MAPRE2: variants seen among roughly 807,000 people sequenced by gnomAD.
MAPRE2 encodes microtubule-associated protein RP/EB family member 2.
MAPRE2 carries 13 observed loss-of-function variants against 43.2 expected under a neutral mutation model. The ratio of observed to expected loss-of-function variants is 0.30; its 90% CI spans 0.20 to 0.48. The LOEUF is 0.48. MAPRE2 is among the 20% of genes least tolerant of loss of function. The probability of loss-of-function intolerance (pLI) is 0.99; values close to 1 mark genes in which losing one functional copy is unlikely to be tolerated. For synonymous variants in MAPRE2, 135 were observed against 148.8 expected, an observed-to-expected ratio of 0.91 and a Z score of 0.68; for missense variants, 161 against 400.2, an observed-to-expected ratio of 0.40 and a Z score of 5.10.
intron 4 of MAPRE2, among the ~76,000 whole-genome samples, chr18:35,115,710 T>C (rs907505156): frequency 1.1e-4 from 16 of 152,336 alleles, no homozygotes; most frequent in African/African-American, 3.4e-4. Context: ...TTCATTCCTT[T>C]TTATGGCTGA....
intron 6 of MAPRE2, among the ~76,000 whole-genome samples, chr18:35,136,960 G>T (rs1362826824): frequency 6.6e-6 from 1 of 152,188 alleles, no homozygotes; most frequent in East Asian, 1.9e-4. Flanking sequence ...CTCATATTTG[G>T]TATAGGTTTT....
At chr18:35,140,040 A>G (rs968784430) in intron 6 of MAPRE2, among the ~76,000 whole-genome samples, 5 of 152,330 alleles carry the variant, frequency 3.3e-5, no homozygotes, top group African/African-American at 1.2e-4. Context: ...AAAACAAAAT[A>G]GTTGGGTGCC....
At chr18:35,057,387 G>A (rs1425537748) in intron 1 of MAPRE2, among the ~76,000 whole-genome samples, 2 of 152,126 alleles carry the variant, frequency 1.3e-5, no homozygotes, top group Non-Finnish European at 2.9e-5. Context: ...CTCAGTTTCT[G>A]TACTTCCCTT....
chr18:35,018,848 A>G (rs1370390057), intron 2 of MAPRE2, among the ~76,000 whole-genome samples: 2 of 151,528 alleles, frequency 1.3e-5, no homozygotes, highest in East Asian at 1.9e-4. Flanking sequence ...TAATTTATTT[A>G]TATTCTCCTG....
At chr18:35,054,347 TC>T (rs1404270338) in intron 1 of MAPRE2, among the ~76,000 whole-genome samples, 5 of 152,204 alleles carry the variant, frequency 3.3e-5, no homozygotes, top group Non-Finnish European at 7.3e-5. Flanking sequence ...TGTTTCAAAA[TC>T]CAAAAATGCA....
In MAPRE2 at chr18:35,055,901, G is replaced by T. The variant is rs546861656; in HGVS notation, c.122+14240G>T. On this transcript the variant is annotated intron_variant, in intron 1 of 6. Coordinates refer to ENST00000300249, the MANE Select transcript of MAPRE2 (RefSeq NM_014268.4). ...ATCCAGGAGGCAGAAGTTGCAGTGA[G>T]CCGAGATCATGCAACTGCACTGCAG... Among the ~76,000 whole-genome samples the T allele has an allele frequency of 2.4e-4, 37 of 151,078 alleles. No homozygotes were observed. The East Asian group carries it at 6.6e-3, about 27-fold the overall frequency.
upstream of MAPRE2, chr18:35,041,409 C>G: frequency 1.3e-6 from 2 of 1,538,936 alleles, no homozygotes; most frequent in Non-Finnish European, 1.7e-6. Flanking sequence ...CGAGCGAGAG[C>G]TGGGAGAAGG....
intron 1 of MAPRE2, among the ~76,000 whole-genome samples, chr18:34,990,665 TG>T (rs1443092731): frequency 2.0e-5 from 3 of 152,170 alleles, no homozygotes; most frequent in Non-Finnish European, 4.4e-5. Flanking sequence ...TTTAGATGTT[TG>T]TTTTAAAATT....
In MAPRE2 at chr18:35,103,930, A is replaced by G. The variant is rs921588878; in HGVS notation, c.610+1771A>G. ...AAAAAGTTGGAGAAAGGAAATTGAG[A>G]CAGTGGAAAGATCCAACTTTGGAGC... On this transcript the variant is annotated intron_variant, in intron 4 of 6. Transcript: ENST00000300249. Among the ~76,000 whole-genome samples, 16 of 152,296 alleles carry G rather than the reference A, an allele frequency of 1.1e-4. 1 individual carries two copies. The highest frequency in any genetic ancestry group is 3.4e-3 in the Middle Eastern group (1 of 294).
intron 2 of MAPRE2, among the ~76,000 whole-genome samples, chr18:35,033,275 C>T (rs62095432): frequency 0.29 from 44,314 of 152,052 alleles, 7,827 homozygotes; most frequent in Non-Finnish European, 0.41. Context: ...ATGATTATCT[C>T]AACAGATGCA....
chr18:35,026,153 G>T (rs1457282882), intron 2 of MAPRE2, among the ~76,000 whole-genome samples: 1 of 152,142 alleles, frequency 6.6e-6, no homozygotes, highest in Non-Finnish European at 1.5e-5. Context: ...CTGAAGCAGG[G>T]TGTGAGCAGC....
chr18:35,031,148 G>A (rs970747484), intron 2 of MAPRE2, among the ~76,000 whole-genome samples: 15 of 152,136 alleles, frequency 9.9e-5, no homozygotes, highest in Non-Finnish European at 1.8e-4. Flanking sequence ...TATATTGTCT[G>A]TCTCCTGACC....
At chr18:35,102,242 A>C (rs559901173) in intron 4 of MAPRE2, 83 bp downstream of exon 4, 700 of 1,023,390 alleles carry the variant, frequency 6.8e-4, no homozygotes, top group Non-Finnish European at 9.3e-4. Flanking sequence ...TGTGTTTCTG[A>C]CTGATTCTTC....
At chr18:35,039,496 C>T (rs912802857), upstream of MAPRE2, among the ~76,000 whole-genome samples, 1 of 151,932 alleles carries the variant, frequency 6.6e-6, no homozygotes. Context: ...GAGATGTGGA[C>T]GAAGGAATCA....
In MAPRE2 at chr18:35,101,943, C is replaced by T; in HGVS notation, c.397-3C>T. 1.3e-6 allele frequency: 2 copies of T among 1,584,320 alleles called. No homozygotes were observed. The highest frequency in any genetic ancestry group is 2.3e-5 in the South Asian group (2 of 86,370). On this transcript the variant is annotated splice_polypyrimidine_tract_variant and splice_region_variant and intron_variant, in intron 3 of 6. Coordinates refer to ENST00000300249, the MANE Select transcript of MAPRE2 (RefSeq NM_014268.4). ...TAACTCACATAGTGATTTTTTATTG[C>T]AGGTAATTCCAGTGGAGAAGCTAGT...
intron 5 of MAPRE2, 191 bp downstream of exon 5, chr18:35,127,278 C>G (rs147585070): frequency 1.7e-6 from 1 of 583,330 alleles, no homozygotes; most frequent in South Asian, 2.2e-5. Flanking sequence ...GTGTTAGTCA[C>G]AAATCTCAAA....
chr18:35,069,994 A>G (rs1017297493), intron 1 of MAPRE2, among the ~76,000 whole-genome samples: 17 of 152,248 alleles, frequency 1.1e-4, no homozygotes, highest in African/African-American at 2.2e-4. Flanking sequence ...GGAGAGATAT[A>G]AAATGGTACT....
chr18:35,120,036 T>G (rs1044803346), intron 4 of MAPRE2, among the ~76,000 whole-genome samples: 2 of 152,178 alleles, frequency 1.3e-5, no homozygotes, highest in African/African-American at 4.8e-5. Context: ...CTCTGAGAAG[T>G]TGGTGCTGCT....
chr18:35,132,271 T>C (rs1451092019), intron 6 of MAPRE2, 81 bp downstream of exon 6: 1 of 1,333,874 alleles, frequency 7.5e-7, no homozygotes, highest in Non-Finnish European at 1.0e-6. Flanking sequence ...CTCCTTAGAA[T>C]ACTTCCCCAG....
Sources: allele counts gnomAD v4.1 joint callset (sites outside exome capture counted in the v4.1 genomes callset), GRCh38; gene constraint gnomAD v4.1.1; transcripts MANE v1.5; gene names NCBI Gene and HGNC (gene_info 2026-07-23, HGNC 2026-07-21).